Variants in ZNF423 observed in about 807,000 individuals in gnomAD.
The protein encoded by ZNF423 is zinc finger protein 423, also known as Ebf-associated zinc finger protein.
ZNF423 carries 12 observed loss-of-function variants against 95.8 expected under a neutral mutation model. That is an observed-to-expected ratio of 0.13 (90% CI 0.08 to 0.20). ZNF423 has a LOEUF of 0.20. Among genes scored for constraint, ZNF423 ranks in the 10% least tolerant of loss-of-function variants. ZNF423 has a pLI of 1.00. For missense variants in ZNF423, 1,316 were observed against 1,737.1 expected (o/e 0.76, Z 4.31); for synonymous variants, 749 against 711.9 (o/e 1.05, Z -0.83).
At chr16:49,750,406 G>A (rs2033612203) in intron 2 of ZNF423, among the ~76,000 whole-genome samples, 1 of 152,204 alleles carries the variant, frequency 6.6e-6, no homozygotes, top group South Asian at 2.1e-4. Context: ...GGGGAAGTGG[G>A]CTGGGTGTTT....
chr16:49,846,216 C>A (rs898121529), intron 1 of ZNF423, among the ~76,000 whole-genome samples: 1 of 147,720 alleles, frequency 6.8e-6, no homozygotes, highest in African/African-American at 2.5e-5. Context: ...GCAGGAATTG[C>A]TTGAGCCTGG....
chr16:49,499,689 G>T (rs967340583), intron 7 of ZNF423, among the ~76,000 whole-genome samples: 2 of 152,124 alleles, frequency 1.3e-5, no homozygotes, highest in Non-Finnish European at 2.9e-5. Flanking sequence ...AAAGACCAAC[G>T]CAGGTGGCTT....
intron 1 of ZNF423, among the ~76,000 whole-genome samples, chr16:49,850,529 A>T (rs907201161): frequency 2.6e-5 from 4 of 152,322 alleles, no homozygotes; most frequent in South Asian, 4.2e-4. Flanking sequence ...TCTTCTGCAA[A>T]TGTTTTCAAG....
intron 3 of ZNF423, among the ~76,000 whole-genome samples, chr16:49,641,893 T>C (rs1222592578): frequency 6.6e-6 from 1 of 152,168 alleles, no homozygotes; most frequent in Non-Finnish European, 1.5e-5. Context: ...CCTTCTGACA[T>C]GAGGGAAATG....
At chr16:49,729,234 GATCA>G (rs1419947268) in intron 3 of ZNF423, among the ~76,000 whole-genome samples, 1 of 152,166 alleles carries the variant, frequency 6.6e-6, no homozygotes, top group African/African-American at 2.4e-5. Flanking sequence ...CTTTTCATTA[GATCA>G]ATTAGTTGAT....
At chr16:49,789,695 C>T (rs1354161305) in intron 1 of ZNF423, 149 bp from the exon 2 acceptor site, 13 of 657,716 alleles carry the variant, frequency 2.0e-5, no homozygotes, top group Non-Finnish European at 2.9e-5. Flanking sequence ...TACAAAGAGG[C>T]CTTTATTGGT....
chr16:49,708,105 C>T (rs202241116), intron 3 of ZNF423: 43 of 151,052 alleles, frequency 2.8e-4, no homozygotes, highest in East Asian at 2.0e-3. Context: ...TGAATGGGCT[C>T]GCTGAGGACA....
chr16:49,773,938 C>T (rs1478044706), intron 2 of ZNF423, among the ~76,000 whole-genome samples: 1 of 152,214 alleles, frequency 6.6e-6, no homozygotes, highest in Non-Finnish European at 1.5e-5. Context: ...CATTTACCAA[C>T]TGGCTGGCCC....
intron 7 of ZNF423, among the ~76,000 whole-genome samples, chr16:49,511,457 C>T (rs763654888): frequency 6.6e-6 from 1 of 152,248 alleles, no homozygotes; most frequent in African/African-American, 2.4e-5. Context: ...TCCACGCTGG[C>T]AGCTATGTCC....
intron 2 of ZNF423, among the ~76,000 whole-genome samples, chr16:49,735,034 C>T (rs747739545): frequency 2.0e-5 from 3 of 152,134 alleles, no homozygotes; most frequent in South Asian, 2.1e-4. Context: ...GGTTTCCTCA[C>T]AGTAAGACGC....
chr16:49,558,172 C>A (rs768753551), intron 5 of ZNF423, among the ~76,000 whole-genome samples: 2 of 152,192 alleles, frequency 1.3e-5, no homozygotes, highest in Non-Finnish European at 2.9e-5. Flanking sequence ...TAACTTGGAC[C>A]TGTGGATGGA....
Position 49,636,439 on chromosome 16 carries a change from G to A in ZNF423, c.2737C>T (p.Arg913Trp), listed in dbSNP as rs1343918703. 2.5e-6 allele frequency: 4 copies of A among 1,613,464 alleles called. No individual in the cohort carries two copies. The highest frequency in any genetic ancestry group is 1.7e-5 in the Admixed American group (1 of 60,030). ...GGCCGGATATTGTGGTCCCGCAGCCGGTGATTCTGCAGCAGCACCTCCATG... is the reference window on the plus strand; with the variant it reads ...GGCCGGATATTGTGGTCCCGCAGCCAGTGATTCTGCAGCAGCACCTCCATG... Reference protein sequence around the residue: ...YTMEVLLQNHRLRDHNIRPGE... With the variant: ...YTMEVLLQNHWLRDHNIRPGE... Residue 913 changes from arginine to tryptophan, a missense_variant, in exon 4 of 8, where the codon CGG becomes TGG. Arg to Trp is a moderately radical substitution (Grantham distance 101). Coordinates refer to ENST00000563137, the MANE Select transcript of ZNF423 (RefSeq NM_001379286.1). The surrounding 1 kb of genome is among the most constrained non-coding windows in gnomAD (Gnocchi z 8.6).
At chr16:49,836,382 G>A (rs1299610098) in intron 1 of ZNF423, among the ~76,000 whole-genome samples, 3 of 152,000 alleles carry the variant, frequency 2.0e-5, no homozygotes, top group Non-Finnish European at 1.5e-5. Flanking sequence ...GGCATGGAGG[G>A]AAGGGGGACT....
chr16:49,793,709 G>A (rs760759496), intron 1 of ZNF423, among the ~76,000 whole-genome samples: 13 of 152,100 alleles, frequency 8.5e-5, no homozygotes, highest in Non-Finnish European at 1.8e-4. Context: ...GGAGGCATGG[G>A]GGCAAGTGTG....
Position 49,491,081 on chromosome 16 carries a change from G to A in ZNF423, c.*194C>T. 1 of 642,908 alleles carries A rather than the reference G, an allele frequency of 1.6e-6. No individual in the cohort carries two copies. The highest frequency in any genetic ancestry group is 2.5e-5 in the Admixed American group (1 of 39,258). The allele number at this position is 642,908 out of a possible 1,614,324, so 39.8% of individuals were successfully genotyped here. ...GTAGCAGGACAATAAAAAATACTGA[G>A]CATGGAATACTTTTAATCTCTGCCA... On this transcript the variant is annotated 3_prime_UTR_variant, in exon 8 of 8. Transcript: ENST00000563137.
In ZNF423 at chr16:49,637,243, A is replaced by G. The variant is rs759800677; in HGVS notation, c.1933T>C (p.Cys645Arg). ...TCAAAGTTGGAGAACTTGAGGTCGC[A>G]TTGATTGCAAGGATACTCCCCATTG... is the stretch of plus-strand genomic sequence containing the variant. ...ISNGEYPCNQCDLKFSNFESF... is the reference protein window; with the variant it reads ...ISNGEYPCNQRDLKFSNFESF... Residue 645 changes from cysteine (C) to arginine (R), a missense_variant, in exon 4 of 8, where the codon TGC (cysteine) becomes CGC (arginine). Around this residue, in one of 6 missense-constraint regions of ZNF423, gnomAD observed 620 missense variants for 775.6 expected, o/e 0.80. Coordinates refer to ENST00000563137, the MANE Select transcript of ZNF423 (RefSeq NM_001379286.1). This position sits in a 1 kb window ranked among gnomAD's most constrained non-coding sequence, Gnocchi z 5.6. 1.2e-6 allele frequency: 2 copies of G among 1,614,126 alleles called. No homozygotes were observed. Among genetic ancestry groups the G allele is most frequent in the South Asian group, 2.2e-5 (2 of 91,082 alleles).
chr16:49,697,557 C>T (rs1255704001), intron 3 of ZNF423, among the ~76,000 whole-genome samples: 1 of 152,014 alleles, frequency 6.6e-6, no homozygotes, highest in East Asian at 1.9e-4. Flanking sequence ...CGCAGGTTTA[C>T]AGCACACTGA....
At chr16:49,747,064 C>A (rs2033540194) in intron 2 of ZNF423, among the ~76,000 whole-genome samples, 1 of 152,058 alleles carries the variant, frequency 6.6e-6, no homozygotes, top group Non-Finnish European at 1.5e-5. Context: ...AGAGTTTGAG[C>A]CATGCCCTTC....
chr16:49,532,206 A>G (rs534934311), intron 5 of ZNF423, among the ~76,000 whole-genome samples: 3 of 152,294 alleles, frequency 2.0e-5, no homozygotes, highest in South Asian at 4.1e-4. Context: ...TGATGCGAGT[A>G]TATCTTTGAA....
Sources: allele counts gnomAD v4.1 joint callset (sites outside exome capture counted in the v4.1 genomes callset), GRCh38; gene constraint gnomAD v4.1.1; regional missense constraint gnomAD v4.1.1; non-coding constraint Gnocchi (gnomAD v3.1); transcripts MANE v1.5; gene names NCBI Gene and HGNC (gene_info 2026-07-23, HGNC 2026-07-21).